The following ITFG1 variants were observed in gnomAD, a reference collection of about 807,000 sequenced individuals.
The protein encoded by ITFG1 is T-cell immunomodulatory protein.
In ITFG1, 34 loss-of-function variants were observed where a neutral mutation model predicts 81.8. That is an observed-to-expected ratio of 0.42 (90% CI 0.32 to 0.55). The LOEUF (loss-of-function observed/expected upper bound fraction) is 0.55. Ranked by LOEUF, ITFG1 falls within the 20% of genes least tolerant of loss-of-function variation. The probability of loss-of-function intolerance (pLI) is 0.17; values close to 1 mark genes in which losing one functional copy is unlikely to be tolerated. For missense variants in ITFG1, 672 were observed against 755.4 expected (o/e 0.89, Z 1.29); for synonymous variants, 285 against 270.6 (o/e 1.05, Z -0.52).
intron 5 of ITFG1, among the ~76,000 whole-genome samples, chr16:47,440,390 T>G (rs1969230447): frequency 6.6e-6 from 1 of 152,222 alleles, no homozygotes; most frequent in African/African-American, 2.4e-5. Flanking sequence ...TACATTCTTT[T>G]CAGCATCACA....
chr16:47,327,179 C>A (rs997416668), intron 8 of ITFG1, among the ~76,000 whole-genome samples: 7 of 152,220 alleles, frequency 4.6e-5, no homozygotes, highest in Non-Finnish European at 2.9e-5. Flanking sequence ...CACATATCTA[C>A]AACTATCTGA....
chr16:47,345,463 G>T (rs1967840574), intron 8 of ITFG1, among the ~76,000 whole-genome samples: 1 of 152,018 alleles, frequency 6.6e-6, no homozygotes, highest in Non-Finnish European at 1.5e-5. Flanking sequence ...ACCACGCCTG[G>T]CTATTTTGTA....
intron 8 of ITFG1, among the ~76,000 whole-genome samples, chr16:47,328,938 C>T (rs1046315471): frequency 2.6e-5 from 4 of 152,074 alleles, no homozygotes; most frequent in Non-Finnish European, 4.4e-5. Context: ...ACAAGGTAGG[C>T]AAAGGTGGCT....
intron 5 of ITFG1, among the ~76,000 whole-genome samples, chr16:47,436,002 G>C (rs1253786636): frequency 6.6e-6 from 1 of 151,872 alleles, no homozygotes; most frequent in Non-Finnish European, 1.5e-5. Flanking sequence ...ATCCACAAAA[G>C]AATTCCAAAA....
chr16:47,461,097 C>T, upstream of ITFG1: 1 of 1,443,556 alleles, frequency 6.9e-7, no homozygotes, highest in Non-Finnish European at 9.2e-7. Context: ...TGACGACAGC[C>T]GCAAAGCACC....
intron 5 of ITFG1, among the ~76,000 whole-genome samples, chr16:47,441,503 T>C (rs1329050081): frequency 6.6e-6 from 1 of 152,156 alleles, no homozygotes; most frequent in African/African-American, 2.4e-5. Flanking sequence ...GCTTCATCCC[T>C]GGGATGCAAG....
chr16:47,246,351 AT>A (rs149045416), intron 12 of ITFG1, among the ~76,000 whole-genome samples: 4,328 of 152,320 alleles, frequency 0.028, 90 homozygotes, highest in Non-Finnish European at 0.04. Flanking sequence ...ACATGAAAAA[AT>A]ATGATACATA....
chr16:47,418,685 G>A lies in ITFG1; in HGVS notation c.655+10119C>T, dbSNP rs1283687760. ...TTGGTGCCTTTCTCAAAATTCAGTTGGCTGTGGAATTATTTCTGGGTTCTC... is the reference window on the plus strand; with the variant it reads ...TTGGTGCCTTTCTCAAAATTCAGTTAGCTGTGGAATTATTTCTGGGTTCTC... On this transcript the variant is annotated intron_variant, in intron 6 of 17. Transcript: ENST00000320640. Among the ~76,000 whole-genome samples, 11 of 152,106 alleles carry A rather than the reference G, an allele frequency of 7.2e-5. No individual in the cohort carries two copies. The East Asian group carries it at 1.9e-3, about 27-fold the overall frequency.
chr16:47,343,146 A>G (rs1183891322), intron 8 of ITFG1, among the ~76,000 whole-genome samples: 2 of 152,148 alleles, frequency 1.3e-5, no homozygotes, highest in Admixed American at 1.3e-4. Flanking sequence ...AAGAACAGAC[A>G]TAGACCAATG....
intron 10 of ITFG1, among the ~76,000 whole-genome samples, chr16:47,285,680 G>T (rs1966867035): frequency 6.6e-6 from 1 of 152,090 alleles, no homozygotes; most frequent in South Asian, 2.1e-4. Flanking sequence ...CCACACATAT[G>T]GTCACCCAAG....
At chr16:47,243,188 T>C (rs1210155573) in intron 12 of ITFG1, among the ~76,000 whole-genome samples, 3 of 152,140 alleles carry the variant, frequency 2.0e-5, no homozygotes, top group Non-Finnish European at 2.9e-5. Flanking sequence ...TTAAAGAAGT[T>C]TAAATTGCTT....
chr16:47,352,443 A>G (rs1475744225), intron 8 of ITFG1, among the ~76,000 whole-genome samples: 2 of 152,226 alleles, frequency 1.3e-5, no homozygotes, highest in Non-Finnish European at 2.9e-5. Flanking sequence ...ATGCAGCCAA[A>G]AAACACATGA....
At chr16:47,315,778 T>TATATATATATATATATATAC (rs1303718198) in intron 8 of ITFG1, among the ~76,000 whole-genome samples, 6 of 151,138 alleles carry the variant, frequency 4.0e-5, no homozygotes, top group African/African-American at 1.2e-4. Context: ...CATATATATA[T>TATATATATATATATATATAC]ACACATATAT....
At chr16:47,286,837 G>A (rs1029128075) in intron 10 of ITFG1, among the ~76,000 whole-genome samples, 2 of 152,000 alleles carry the variant, frequency 1.3e-5, no homozygotes, top group African/African-American at 4.8e-5. Flanking sequence ...TATGAGGTAT[G>A]GATTACTATC....
At chr16:47,461,103 G>A, upstream of ITFG1, 1 of 1,437,320 alleles carries the variant, frequency 7.0e-7, no homozygotes, top group Non-Finnish European at 9.2e-7. Flanking sequence ...CAGCCGCAAA[G>A]CACCGCGTTA....
At chr16:47,197,957 G>T (rs1965378162) in intron 14 of ITFG1, among the ~76,000 whole-genome samples, 1 of 152,182 alleles carries the variant, frequency 6.6e-6, no homozygotes, top group Non-Finnish European at 1.5e-5. Context: ...TCAAATTAGG[G>T]AATGCTGAGA....
At chr16:47,395,162 AAACT>A (rs1326510485) in intron 6 of ITFG1, among the ~76,000 whole-genome samples, 1 of 152,130 alleles carries the variant, frequency 6.6e-6, no homozygotes, top group African/African-American at 2.4e-5. Context: ...AGTTCACAGT[AAACT>A]AACTATATTG....
chr16:47,279,374 C>T (rs1966429648), intron 10 of ITFG1, among the ~76,000 whole-genome samples: 1 of 151,832 alleles, frequency 6.6e-6, no homozygotes, highest in Admixed American at 6.6e-5. Flanking sequence ...TTTCCAATAC[C>T]ATCTGTTATA....
intron 6 of ITFG1, among the ~76,000 whole-genome samples, chr16:47,395,012 T>C (rs1968577204): frequency 6.6e-6 from 1 of 152,184 alleles, no homozygotes; most frequent in Non-Finnish European, 1.5e-5. Context: ...GAGTCCATTA[T>C]GATTATGGAC....
Sources: gnomAD v4.1 joint callset for allele counts (sites outside exome capture counted in the v4.1 genomes callset) on GRCh38, gnomAD v4.1.1 for gene constraint, MANE v1.5 for transcripts, NCBI Gene and HGNC (gene_info 2026-07-23, HGNC 2026-07-21) for gene names.